Variants in TSHR observed in about 807,000 individuals in gnomAD.
TSHR encodes thyroid stimulating hormone receptor, also known as thyrotropin receptor.
In TSHR, 51 loss-of-function variants were observed where a neutral mutation model predicts 64.1. The ratio of observed to expected loss-of-function variants is 0.80; its 90% CI spans 0.64 to 1.01. The LOEUF (loss-of-function observed/expected upper bound fraction) is 1.01, where lower values mean the gene tolerates loss of function less well. Ranked by LOEUF, TSHR falls within the 50% of genes least tolerant of loss-of-function variation. The pLI is 0.00. For synonymous variants in TSHR, 361 were observed against 361.9 expected, an observed-to-expected ratio of 1.00 and a Z score of 0.03; for missense variants, 877 against 942.8, an observed-to-expected ratio of 0.93 and a Z score of 0.91.
chr14:81,100,904 T>A (rs2300535), intron 7 of TSHR, among the ~76,000 whole-genome samples: 42,627 of 152,084 alleles, frequency 0.28, 9,223 homozygotes, highest in African/African-American at 0.61. Flanking sequence ...TTACATAGGC[T>A]TGATTTATTA....
At chr14:81,046,856 A>G (rs976478320) in intron 1 of TSHR, among the ~76,000 whole-genome samples, 1 of 152,212 alleles carries the variant, frequency 6.6e-6, no homozygotes, top group African/African-American at 2.4e-5. Context: ...AATGAAGGTT[A>G]AAAGGGAAAC....
intron 1 of TSHR, among the ~76,000 whole-genome samples, chr14:80,988,832 T>G (rs1318900842): frequency 1.3e-5 from 2 of 152,180 alleles, no homozygotes; most frequent in African/African-American, 4.8e-5. Context: ...CACCTCCTAC[T>G]TTTTCTGACT....
chr14:81,022,218 C>T (rs1345381540), intron 1 of TSHR, among the ~76,000 whole-genome samples: 2 of 151,834 alleles, frequency 1.3e-5, no homozygotes, highest in African/African-American at 2.4e-5. Flanking sequence ...TGCAGTGAGC[C>T]GAGATAGTGC....
intron 8 of TSHR, among the ~76,000 whole-genome samples, chr14:81,121,463 C>T (rs922723392): frequency 6.6e-6 from 1 of 152,118 alleles, no homozygotes; most frequent in Non-Finnish European, 1.5e-5. Context: ...TTCCTGTTCA[C>T]CTTTTCTTGG....
intron 9 of TSHR, 40 bp downstream of exon 9, chr14:81,139,907 G>C: frequency 6.2e-7 from 1 of 1,610,636 alleles, no homozygotes; most frequent in African/African-American, 1.3e-5. Context: ...AAAAGACCTT[G>C]GTGGAAGTGG....
chr14:81,101,357 A>G (rs1889568504), intron 7 of TSHR, among the ~76,000 whole-genome samples: 3 of 152,178 alleles, frequency 2.0e-5, no homozygotes, highest in Admixed American at 2.0e-4. Context: ...TTAGCATCCC[A>G]GATAGGGTCT....
intron 4 of TSHR, among the ~76,000 whole-genome samples, chr14:81,090,149 T>A (rs1888610221): frequency 1.3e-5 from 2 of 152,198 alleles, no homozygotes. Flanking sequence ...GTATTCATGG[T>A]GTTTTATGCA....
At position 81,072,772 on chromosome 14, in the gene TSHR, C is replaced by T. The variant is rs536057138; in HGVS notation, c.317+4444C>T. On this transcript the variant is annotated intron_variant, in intron 3 of 9. Transcript: ENST00000298171. ...AAAAGCTTTGGGAGGCCGAGGCGGGCGGATCACGAGGTCAGGAGATCGAGA... is the reference window on the plus strand; with the variant it reads ...AAAAGCTTTGGGAGGCCGAGGCGGGTGGATCACGAGGTCAGGAGATCGAGA... Among the ~76,000 whole-genome samples, 162 of 148,680 alleles carry T rather than the reference C, an allele frequency of 1.1e-3. 11 individuals are homozygous for T. The highest frequency in any genetic ancestry group is 2.7e-3 in the African/African-American group (104 of 38,962).
At chr14:81,122,472 G>T (rs1454353325) in intron 8 of TSHR, among the ~76,000 whole-genome samples, 1 of 151,962 alleles carries the variant, frequency 6.6e-6, no homozygotes, top group Non-Finnish European at 1.5e-5. Context: ...ACAGTTACAT[G>T]ACAAAGGAAA....
intron 1 of TSHR, among the ~76,000 whole-genome samples, chr14:81,020,476 C>G (rs948712583): frequency 6.6e-6 from 1 of 152,124 alleles, no homozygotes; most frequent in Non-Finnish European, 1.5e-5. Flanking sequence ...GAAAGTGAAC[C>G]CTATTGTGAA....
intron 8 of TSHR, among the ~76,000 whole-genome samples, chr14:81,130,851 C>T (rs1415997541): frequency 1.6e-5 from 2 of 128,856 alleles, no homozygotes; most frequent in Admixed American, 7.0e-5. Flanking sequence ...ATTAGCCGGG[C>T]GCGGTGGCGG....
rs1595118527 is a variant in TSHR, at chr14:81,103,030, T to G, written c.615-5345T>G. ...TTTCTGACTCCTAGTCAATAGAAAT[T>G]TATTCTTTCCTAGATTTAAGCACTT... On this transcript the variant is annotated intron_variant, in intron 7 of 9. Coordinates refer to ENST00000298171, the MANE Select transcript of TSHR (RefSeq NM_000369.5). This position sits in a 1 kb window ranked among gnomAD's most constrained non-coding sequence, Gnocchi z 4.1. The G allele has an allele frequency of 1.0e-6, 1 of 985,284 alleles. No homozygotes were observed. Among genetic ancestry groups the G allele is most frequent in the South Asian group, 4.7e-5 (1 of 21,296 alleles). 61.0% of individuals were successfully genotyped at this position (985,284 alleles called of 1,614,324 possible). A position where few individuals can be genotyped will look rare whatever the true frequency, so the allele number is the denominator to read the frequency against.
Position 81,103,219 on chromosome 14 carries a change from G to A in TSHR, c.615-5156G>A. The stretch of plus-strand genomic sequence containing the variant: ...TATTCACATTGTGTTTTTAACATAG[G>A]GATGTTGCTTTTGGTGTCAATGCTA... On this transcript the variant is annotated intron_variant, in intron 7 of 9. Transcript: ENST00000298171. The surrounding 1 kb of genome is among the most constrained non-coding windows in gnomAD (Gnocchi z 4.1). 2 of 985,338 alleles carry A rather than the reference G, an allele frequency of 2.0e-6. No homozygotes were observed. The highest frequency in any genetic ancestry group is 2.4e-6 in the Non-Finnish European group (2 of 829,892). 61.0% of individuals were successfully genotyped at this position (985,338 alleles called of 1,614,324 possible).
chr14:81,044,465 T>A (rs1566777916), intron 1 of TSHR, among the ~76,000 whole-genome samples: 1 of 152,144 alleles, frequency 6.6e-6, no homozygotes, highest in Non-Finnish European at 1.5e-5. Context: ...GAGACTATCC[T>A]GGCTAACACG....
chr14:81,065,680 G>A (rs1404847242), intron 2 of TSHR, among the ~76,000 whole-genome samples: 1 of 152,170 alleles, frequency 6.6e-6, no homozygotes, highest in African/African-American at 2.4e-5. Context: ...TGTGAGTACT[G>A]TGAGTTCCTT....
At chr14:80,975,174 A>G (rs1887802348) in intron 1 of TSHR, among the ~76,000 whole-genome samples, 1 of 152,208 alleles carries the variant, frequency 6.6e-6, no homozygotes, top group South Asian at 2.1e-4. Flanking sequence ...CAGCAGAGTA[A>G]GACTATGGCA....
At chr14:80,994,021 C>T (rs1051972388) in intron 1 of TSHR, 1 of 152,248 alleles carries the variant, frequency 6.6e-6, no homozygotes, top group African/African-American at 2.4e-5. Flanking sequence ...ATCTCTGACA[C>T]AGTGAGACAG....
intron 1 of TSHR, among the ~76,000 whole-genome samples, chr14:80,981,758 C>T (rs992604862): frequency 2.0e-5 from 3 of 152,150 alleles, no homozygotes; most frequent in Non-Finnish European, 4.4e-5. Flanking sequence ...AGCAGGTCTG[C>T]ACTAGGGAAC....
intron 3 of TSHR, among the ~76,000 whole-genome samples, chr14:81,081,471 G>A (rs1465963855): frequency 6.6e-6 from 1 of 152,052 alleles, no homozygotes; most frequent in Non-Finnish European, 1.5e-5. Context: ...CCAGGAGGAT[G>A]GTCAGCTGTC....
Sources: gnomAD v4.1 joint callset for allele counts (sites outside exome capture counted in the v4.1 genomes callset) on GRCh38, gnomAD v4.1.1 for gene constraint, Gnocchi (gnomAD v3.1) non-coding constraint, MANE v1.5 for transcripts, NCBI Gene and HGNC (gene_info 2026-07-23, HGNC 2026-07-21) for gene names.